The following MVB12B variants were observed in gnomAD, a reference collection of about 807,000 sequenced individuals.
MVB12B encodes the protein multivesicular body subunit 12B.
A neutral mutation model predicts 41.6 loss-of-function variants in MVB12B; 16 were observed. That is an observed-to-expected ratio of 0.38 (90% CI 0.26 to 0.58). The LOEUF is 0.58. Ranked by LOEUF, MVB12B falls within the 20% of genes least tolerant of loss-of-function variation. The pLI, the probability that MVB12B is intolerant of heterozygous loss-of-function variation, is 0.62. For missense variants in MVB12B, 274 were observed against 380.2 expected, an observed-to-expected ratio of 0.72 and a Z score of 2.32; for synonymous variants, 133 against 139.7, an observed-to-expected ratio of 0.95 and a Z score of 0.34.
rs755918627 is a variant in MVB12B at position 126,392,143 on chromosome 9, A to G, written c.487A>G (p.Ile163Val). The change falls in exon 5 of 10, where the codon ATT (isoleucine) becomes GTT (valine). Residue 163 changes from isoleucine to valine, a missense_variant. Physicochemically the swap from Ile to Val is conservative, Grantham distance 29. Coordinates refer to ENST00000361171, the MANE Select transcript of MVB12B (RefSeq NM_033446.3). The surrounding 1 kb of genome is among the most constrained non-coding windows in gnomAD (Gnocchi z 4.8). ...RDSTEAAICD[I>V]RIMGRTKQAP... is the part of the protein sequence containing the mutation. ...TTCAACGGAAGCTGCGATTTGTGAC[A>G]TTCGGATCATGGGCCGGACCAAGCA... is the stretch of plus-strand genomic sequence containing the variant. 6.2e-7 allele frequency: 1 copy of G among 1,614,218 alleles called. No individual in the cohort carries two copies. The highest frequency in any genetic ancestry group is 8.5e-7 in the Non-Finnish European group (1 of 1,180,030).
At chr9:126,396,357 G>T in intron 6 of MVB12B, 3 of 985,548 alleles carry the variant, frequency 3.0e-6, no homozygotes, top group Non-Finnish European at 3.6e-6. Context: ...TAAACTAAGG[G>T]CAAGGAACAA....
At chr9:126,488,006 ACT>A (rs1245070425) in intron 9 of MVB12B, among the ~76,000 whole-genome samples, 2 of 152,110 alleles carry the variant, frequency 1.3e-5, no homozygotes, top group African/African-American at 2.4e-5. Context: ...ATGTCCACAC[ACT>A]CTGGCCAACG....
intron 6 of MVB12B, among the ~76,000 whole-genome samples, chr9:126,404,712 G>C (rs567637497): frequency 6.6e-6 from 1 of 152,322 alleles, no homozygotes; most frequent in Non-Finnish European, 1.5e-5. Context: ...GCCGACTGAG[G>C]GAACATGTGG....
intron 7 of MVB12B, among the ~76,000 whole-genome samples, chr9:126,471,183 C>T (rs944469991): frequency 1.3e-5 from 2 of 152,254 alleles, no homozygotes; most frequent in African/African-American, 4.8e-5. Flanking sequence ...GCCCCATTTT[C>T]TCAGTGGCTG....
At position 126,331,177 on chromosome 9, in the gene MVB12B, A is replaced by G. The variant is rs962268350; in HGVS notation, c.81+4167A>G. ...TCTATTTATAATTTTCTGCGGAACCACCACACTGTTTTCCATAACATAGTG... is the reference window on the plus strand; with the variant it reads ...TCTATTTATAATTTTCTGCGGAACCGCCACACTGTTTTCCATAACATAGTG... On this transcript the variant is annotated intron_variant, in intron 1 of 9. Transcript: ENST00000361171. Among the ~76,000 whole-genome samples the G allele has an allele frequency of 3.3e-5, 5 of 152,328 alleles. No individual in the cohort carries two copies. In the East Asian group the frequency reaches 7.7e-4, roughly 23 times the overall value.
At position 126,395,586 on chromosome 9, in the gene MVB12B, G is replaced by C. The variant is rs372966231; in HGVS notation, c.551G>C (p.Ser184Thr). The C allele has an allele frequency of 4.3e-6, 7 of 1,614,090 alleles. No homozygotes were observed. Among genetic ancestry groups the C allele is most frequent in the African/African-American group, 1.3e-5 (1 of 74,924 alleles). The change falls in exon 6 of 10, where the codon AGC (serine) becomes ACC (threonine). Residue 184 changes from serine (S) to threonine (T), a missense_variant. Ser to Thr is a moderately conservative substitution (Grantham distance 58). Coordinates refer to ENST00000361171, the MANE Select transcript of MVB12B (RefSeq NM_033446.3). The surrounding 1 kb of genome is among the most constrained non-coding windows in gnomAD (Gnocchi z 4.9). ...CTTTTTTCCTAAAGGGAACTGAACA[G>C]CATGGGGATCTGGTATCGAATGGGC... is the stretch of plus-strand genomic sequence containing the variant. ...PQYTFIGELNSMGIWYRMGRV... is the reference protein window; with the variant it reads ...PQYTFIGELNTMGIWYRMGRV...
rs1832705871 is a variant in MVB12B, at chr9:126,443,949, T to G, written c.757+22001T>G. 2.6e-5 allele frequency among the ~76,000 whole-genome samples: 4 copies of G among 152,270 alleles called. No homozygotes were observed. The South Asian group carries it at 8.3e-4, about 31-fold the overall frequency. ...ATCATATACATGGACTCATACAATA[T>G]GTAGCTTTGTGTGTCTCTCAGCATA... is the stretch of plus-strand genomic sequence containing the variant. On this transcript the variant is annotated intron_variant, in intron 7 of 9. Transcript: ENST00000361171.
chr9:126,430,523 G>A (rs965265606), intron 7 of MVB12B, among the ~76,000 whole-genome samples: 1 of 151,824 alleles, frequency 6.6e-6, no homozygotes, highest in African/African-American at 2.4e-5. Context: ...TCACCTGTGA[G>A]CACCTTGAGT....
At chr9:126,441,851 T>TG (rs1832649174) in intron 7 of MVB12B, among the ~76,000 whole-genome samples, 2 of 152,224 alleles carry the variant, frequency 1.3e-5, no homozygotes, top group Non-Finnish European at 2.9e-5. Flanking sequence ...CCATTAATGA[T>TG]TAGAGCATGA....
At chr9:126,402,604 C>T (rs1272286419) in intron 6 of MVB12B, among the ~76,000 whole-genome samples, 1 of 152,058 alleles carries the variant, frequency 6.6e-6, no homozygotes, top group Non-Finnish European at 1.5e-5. Flanking sequence ...ATCATGATTC[C>T]TCCATTGCAT....
intron 2 of MVB12B, among the ~76,000 whole-genome samples, chr9:126,378,116 C>T (rs1446684190): frequency 1.3e-5 from 2 of 152,196 alleles, no homozygotes; most frequent in Non-Finnish European, 2.9e-5. Flanking sequence ...ATTTGGTCCT[C>T]CACCCCACAC....
At chr9:126,441,499 T>C (rs1300739770) in intron 7 of MVB12B, among the ~76,000 whole-genome samples, 2 of 152,256 alleles carry the variant, frequency 1.3e-5, no homozygotes, top group Non-Finnish European at 2.9e-5. Context: ...CTGATAAAAA[T>C]GGATTTACCT....
chr9:126,404,116 G>C (rs1343619879), intron 6 of MVB12B, among the ~76,000 whole-genome samples: 2 of 151,914 alleles, frequency 1.3e-5, no homozygotes, highest in Non-Finnish European at 2.9e-5. Flanking sequence ...ACCACGCCTA[G>C]CTAATTTTTT....
intron 2 of MVB12B, among the ~76,000 whole-genome samples, chr9:126,351,334 A>C (rs1829741083): frequency 6.6e-6 from 1 of 151,956 alleles, no homozygotes; most frequent in African/African-American, 2.4e-5. Context: ...CAACAATCTC[A>C]TCCTTTTTTC....
At chr9:126,501,170 G>A (rs1470076408) in intron 9 of MVB12B, among the ~76,000 whole-genome samples, 1 of 152,260 alleles carries the variant, frequency 6.6e-6, no homozygotes, top group Non-Finnish European at 1.5e-5. Flanking sequence ...GCAGGAAAGT[G>A]AGAGGGCTGG....
intron 7 of MVB12B, among the ~76,000 whole-genome samples, chr9:126,469,108 C>T (rs552292621): frequency 4.3e-4 from 65 of 152,276 alleles, no homozygotes; most frequent in African/African-American, 1.4e-3. Context: ...CCCAGGATTT[C>T]GGGGCTACAC....
intron 9 of MVB12B, among the ~76,000 whole-genome samples, chr9:126,494,475 G>A (rs1192095463): frequency 7.2e-5 from 11 of 152,204 alleles, no homozygotes; most frequent in Admixed American, 6.5e-4. Flanking sequence ...CCTGGTTACC[G>A]CCATGAGTCA....
chr9:126,338,370 G>T (rs1383655326), intron 1 of MVB12B, among the ~76,000 whole-genome samples: 1 of 152,226 alleles, frequency 6.6e-6, no homozygotes. Context: ...AGGGCATGGT[G>T]ACCCTCCTGC....
At chr9:126,456,596 G>C (rs1388430693) in intron 7 of MVB12B, among the ~76,000 whole-genome samples, 3 of 152,168 alleles carry the variant, frequency 2.0e-5, no homozygotes, top group Admixed American at 2.0e-4. Context: ...TCAGATACTC[G>C]GAATATGGTT....
Sources: gnomAD v4.1 joint callset for allele counts (sites outside exome capture counted in the v4.1 genomes callset) on GRCh38, gnomAD v4.1.1 for gene constraint, Gnocchi (gnomAD v3.1) non-coding constraint, MANE v1.5 for transcripts, NCBI Gene and HGNC (gene_info 2026-07-23, HGNC 2026-07-21) for gene names.